CAMK4: variants seen among roughly 807,000 people sequenced by gnomAD.
CAMK4 encodes calcium/calmodulin dependent protein kinase IV.
CAMK4 carries 22 observed loss-of-function variants against 44.9 expected under a neutral mutation model. The observed-to-expected ratio is 0.49, with a 90% CI of 0.35 to 0.70. The LOEUF is 0.70. Among genes scored for constraint, CAMK4 ranks in the 30% least tolerant of loss-of-function variants. The pLI is 0.01. For synonymous variants in CAMK4, 218 were observed against 215.4 expected, an observed-to-expected ratio of 1.01 and a Z score of -0.11; for missense variants, 498 against 586.8, an observed-to-expected ratio of 0.85 and a Z score of 1.56.
chr5:111,425,508 C>G (rs946278297), intron 5 of CAMK4, among the ~76,000 whole-genome samples: 1 of 152,168 alleles, frequency 6.6e-6, no homozygotes, highest in African/African-American at 2.4e-5. Context: ...TGAATTAAGT[C>G]TAGCCACAAA....
intron 2 of CAMK4, among the ~76,000 whole-genome samples, chr5:111,357,205 C>T (rs918186222): frequency 1.3e-5 from 2 of 152,248 alleles, no homozygotes; most frequent in East Asian, 1.9e-4. Context: ...GCTTATGTTA[C>T]TTCACTCTGG....
At chr5:111,429,175 G>A (rs1234326217) in intron 5 of CAMK4, among the ~76,000 whole-genome samples, 1 of 151,784 alleles carries the variant, frequency 6.6e-6, no homozygotes, top group African/African-American at 2.4e-5. Flanking sequence ...TGAAAAAAAA[G>A]TGCAAAAGAT....
intron 1 of CAMK4, among the ~76,000 whole-genome samples, chr5:111,278,976 A>C (rs1050399338): frequency 6.6e-6 from 1 of 152,184 alleles, no homozygotes; most frequent in African/African-American, 2.4e-5. Flanking sequence ...ACCGCAATAC[A>C]ACCTCTGGGG....
At chr5:111,330,353 A>T (rs1320655929) in intron 1 of CAMK4, among the ~76,000 whole-genome samples, 1 of 151,662 alleles carries the variant, frequency 6.6e-6, no homozygotes, top group Non-Finnish European at 1.5e-5. Context: ...GGAAACCTAA[A>T]TGGAGTGATA....
intron 1 of CAMK4, among the ~76,000 whole-genome samples, chr5:111,237,764 C>T (rs528641797): frequency 2.0e-5 from 3 of 152,194 alleles, no homozygotes; most frequent in Non-Finnish European, 4.4e-5. Flanking sequence ...GGTTGGGTAA[C>T]ATATCCCCTG....
chr5:111,474,495 C>G (rs548631008), intron 8 of CAMK4, among the ~76,000 whole-genome samples: 1 of 152,316 alleles, frequency 6.6e-6, no homozygotes, highest in African/African-American at 2.4e-5. Flanking sequence ...ACCCCACTCT[C>G]ATGACCTCAT....
At chr5:111,382,168 A>T (rs575159011) in intron 4 of CAMK4, among the ~76,000 whole-genome samples, 21 of 152,146 alleles carry the variant, frequency 1.4e-4, no homozygotes, top group Non-Finnish European at 3.1e-4. Context: ...TTTTTGAGGT[A>T]TTATTATCCA....
At chr5:111,254,209 C>G (rs1468546400) in intron 1 of CAMK4, among the ~76,000 whole-genome samples, 1 of 152,200 alleles carries the variant, frequency 6.6e-6, no homozygotes, top group Non-Finnish European at 1.5e-5. Context: ...AGGGTATAAC[C>G]AGCTCTGCTC....
chr5:111,433,521 T>A (rs578119929), intron 5 of CAMK4, among the ~76,000 whole-genome samples: 1 of 152,094 alleles, frequency 6.6e-6, no homozygotes, highest in East Asian at 1.9e-4. Flanking sequence ...AAATCACACA[T>A]CATTATTTCC....
chr5:111,262,051 C>T (rs1182578615), intron 1 of CAMK4, among the ~76,000 whole-genome samples: 1 of 151,922 alleles, frequency 6.6e-6, no homozygotes, highest in Non-Finnish European at 1.5e-5. Flanking sequence ...CGTTCACTAG[C>T]ACCTTACATG....
At chr5:111,385,889 T>C (rs1445075955) in intron 4 of CAMK4, among the ~76,000 whole-genome samples, 1 of 152,150 alleles carries the variant, frequency 6.6e-6, no homozygotes, top group Non-Finnish European at 1.5e-5. Context: ...TATATATATC[T>C]TTTGAGTCAG....
At chr5:111,274,233 A>G (rs1022402698) in intron 1 of CAMK4, among the ~76,000 whole-genome samples, 3 of 152,060 alleles carry the variant, frequency 2.0e-5, no homozygotes, top group African/African-American at 7.2e-5. Flanking sequence ...TTCCTCTCCA[A>G]TTCCTATATC....
chr5:111,421,332 C>T lies in CAMK4; in HGVS notation c.460-25354C>T, dbSNP rs151278775. Reference sequence around the variant, plus strand: ...CAATCCCATCCCAAGTATGTAGCTTCTGAATAAGGGATGCCCCCAAAAGTT... The same window carrying T: ...CAATCCCATCCCAAGTATGTAGCTTTTGAATAAGGGATGCCCCCAAAAGTT... On this transcript the variant is annotated intron_variant, in intron 5 of 10. Coordinates refer to ENST00000282356, the MANE Select transcript of CAMK4 (RefSeq NM_001744.6). Among the ~76,000 whole-genome samples, 3 of 152,300 alleles carry T rather than the reference C, an allele frequency of 2.0e-5. 1 individual carries two copies. The East Asian group carries it at 5.8e-4, about 29-fold the overall frequency.
chr5:111,232,860 A>G (rs1748541934), intron 1 of CAMK4, among the ~76,000 whole-genome samples: 2 of 152,164 alleles, frequency 1.3e-5, no homozygotes, highest in Admixed American at 6.5e-5. Context: ...TAGACCAGGT[A>G]AAGAGTGAGT....
At chr5:111,250,849 G>C (rs967912669) in intron 1 of CAMK4, among the ~76,000 whole-genome samples, 5 of 152,066 alleles carry the variant, frequency 3.3e-5, no homozygotes. Context: ...TCCCTGTGTT[G>C]CCAGGGTGGT....
chr5:111,288,395 A>C (rs1378617903), intron 1 of CAMK4, among the ~76,000 whole-genome samples: 1 of 152,238 alleles, frequency 6.6e-6, no homozygotes, highest in Non-Finnish European at 1.5e-5. Flanking sequence ...TCTTTTTATC[A>C]AAGAAATTAT....
chr5:111,255,140 T>G (rs978339839), intron 1 of CAMK4, among the ~76,000 whole-genome samples: 1 of 152,204 alleles, frequency 6.6e-6, no homozygotes, highest in African/African-American at 2.4e-5. Context: ...TGAAGTACAT[T>G]TCTGATGGAC....
At chr5:111,293,258 G>A (rs1747348411) in intron 1 of CAMK4, among the ~76,000 whole-genome samples, 1 of 152,092 alleles carries the variant, frequency 6.6e-6, no homozygotes, top group South Asian at 2.1e-4. Flanking sequence ...GGACTAAGAA[G>A]CCAATCCTTA....
At chr5:111,339,941 C>G (rs1157787959) in intron 1 of CAMK4, among the ~76,000 whole-genome samples, 1 of 151,040 alleles carries the variant, frequency 6.6e-6, no homozygotes, top group Non-Finnish European at 1.5e-5. Flanking sequence ...TCTTTCACTT[C>G]TTTGTTTACA....
Sources: allele counts gnomAD v4.1 joint callset (sites outside exome capture counted in the v4.1 genomes callset), GRCh38; gene constraint gnomAD v4.1.1; transcripts MANE v1.5; gene names NCBI Gene and HGNC (gene_info 2026-07-23, HGNC 2026-07-21).